The following SPRR2B variants were observed in gnomAD, a reference collection of about 807,000 sequenced individuals.
SPRR2B encodes the protein small proline-rich protein 2B.
A neutral mutation model predicts 1.0 loss-of-function variants in SPRR2B; 1 was observed. The ratio of observed to expected loss-of-function variants is 1.01; its 90% confidence interval spans 0.36 to 4.77. SPRR2B has a LOEUF of 4.77. Among genes scored for constraint, SPRR2B ranks in the 30% most tolerant of loss-of-function variants. The probability of loss-of-function intolerance (pLI) is 0.16; values close to 1 mark genes in which losing one functional copy is unlikely to be tolerated. For missense variants in SPRR2B, 53 were observed against 88.7 expected, an observed-to-expected ratio of 0.60 and a Z score of 1.62; for synonymous variants, 27 against 33.4, an observed-to-expected ratio of 0.81 and a Z score of 0.66.
At chr1:153,079,900 A>G in the SPRR2B span, among the ~76,000 whole-genome samples, 15 of 152,280 alleles carry the variant, frequency 9.9e-5, no homozygotes, top group South Asian at 2.9e-3. Flanking sequence ...AATTCTGTGA[A>G]GAAAGTCGTT....
At chr1:153,072,616 T>C (rs560192275), upstream of SPRR2B, among the ~76,000 whole-genome samples, 13 of 152,290 alleles carry the variant, frequency 8.5e-5, no homozygotes, top group Non-Finnish European at 1.9e-4. Context: ...TCCTATATGT[T>C]TGCTTTCTCT....
chr1:153,077,707 C>G, the SPRR2B span, among the ~76,000 whole-genome samples: 1 of 151,768 alleles, frequency 6.6e-6, no homozygotes, highest in African/African-American at 2.4e-5. Flanking sequence ...ACCTCTGCCT[C>G]TGGGCTCAAG....
upstream of SPRR2B, among the ~76,000 whole-genome samples, chr1:153,075,236 G>A (rs920998683): frequency 4.6e-5 from 7 of 151,988 alleles, no homozygotes; most frequent in Admixed American, 2.6e-4. Context: ...CCAGCTACTC[G>A]GGAGGCTGAG....
chr1:153,085,210 T>A, the SPRR2B span, among the ~76,000 whole-genome samples: 1 of 152,042 alleles, frequency 6.6e-6, no homozygotes, highest in Non-Finnish European at 1.5e-5. Flanking sequence ...AATTTCAATA[T>A]GGATAGGAAG....
the SPRR2B span, among the ~76,000 whole-genome samples, chr1:153,080,373 C>A: frequency 6.6e-6 from 1 of 152,138 alleles, no homozygotes; most frequent in Non-Finnish European, 1.5e-5. Flanking sequence ...CACCTTACAG[C>A]TTTCTCAAGA....
chr1:153,079,059 T>C, the SPRR2B span, among the ~76,000 whole-genome samples: 4 of 152,170 alleles, frequency 2.6e-5, no homozygotes, highest in South Asian at 2.1e-4. Flanking sequence ...ACCATTCTAA[T>C]TGGTGTGAGA....
chr1:153,081,323 C>T, the SPRR2B span, among the ~76,000 whole-genome samples: 2 of 152,142 alleles, frequency 1.3e-5, no homozygotes, highest in Non-Finnish European at 2.9e-5. Flanking sequence ...ATCATGATAT[C>T]TAAGAAATTC....
At chr1:153,078,649 T>A in the SPRR2B span, among the ~76,000 whole-genome samples, 1 of 152,174 alleles carries the variant, frequency 6.6e-6, no homozygotes, top group Non-Finnish European at 1.5e-5. Context: ...TTGCTGAGAA[T>A]GATGGTTTCC....
chr1:153,078,139 TA>T, the SPRR2B span, among the ~76,000 whole-genome samples: 1 of 151,938 alleles, frequency 6.6e-6, no homozygotes, highest in Non-Finnish European at 1.5e-5. Flanking sequence ...AAGAATGAAT[TA>T]AAAAAAATAG....
chr1:153,077,346 A>C, the SPRR2B span, among the ~76,000 whole-genome samples: 1 of 152,198 alleles, frequency 6.6e-6, no homozygotes, highest in Admixed American at 6.5e-5. Context: ...GAGAAATGAT[A>C]AAGAGAGACT....
At chr1:153,083,882 G>T in the SPRR2B span, among the ~76,000 whole-genome samples, 3 of 152,214 alleles carry the variant, frequency 2.0e-5, no homozygotes, top group African/African-American at 7.2e-5. Context: ...GCTAGGGATG[G>T]CCATCTCTCT....
the SPRR2B span, among the ~76,000 whole-genome samples, chr1:153,083,231 A>G: frequency 6.6e-6 from 1 of 152,194 alleles, no homozygotes; most frequent in Admixed American, 6.5e-5. Flanking sequence ...AAAATGTTGA[A>G]CCAGAAGGAT....
At chr1:153,077,820 G>A in the SPRR2B span, among the ~76,000 whole-genome samples, 10 of 152,106 alleles carry the variant, frequency 6.6e-5, no homozygotes, top group Non-Finnish European at 1.5e-4. Flanking sequence ...TCGCCATGTT[G>A]GCGAGGCTGG....
chr1:153,087,428 A>G, the SPRR2B span, among the ~76,000 whole-genome samples: 31 of 152,328 alleles, frequency 2.0e-4, no homozygotes, highest in African/African-American at 7.2e-4. Flanking sequence ...ACATTGAGAC[A>G]CAAAAAACCA....
the SPRR2B span, among the ~76,000 whole-genome samples, chr1:153,076,904 A>C: frequency 6.6e-6 from 1 of 152,252 alleles, no homozygotes; most frequent in Non-Finnish European, 1.5e-5. Flanking sequence ...TCACAAAGAC[A>C]TGGTTGAATT....
At chr1:153,074,905 C>A (rs188492378), upstream of SPRR2B, among the ~76,000 whole-genome samples, 46 of 152,144 alleles carry the variant, frequency 3.0e-4, no homozygotes, top group Non-Finnish European at 5.6e-4. Context: ...ATGGAAGCAG[C>A]AGTTGTTTTA....
chr1:153,085,959 A>T, the SPRR2B span, among the ~76,000 whole-genome samples: 1 of 152,202 alleles, frequency 6.6e-6, no homozygotes, highest in African/African-American at 2.4e-5. Flanking sequence ...GAGAAAAAAG[A>T]TCCTTTTCGG....
chr1:153,078,512 T>C, the SPRR2B span, among the ~76,000 whole-genome samples: 83,910 of 148,956 alleles, frequency 0.56, 24,383 homozygotes, highest in African/African-American at 0.71. Context: ...ATCCCTCCCC[T>C]CTACCCCCAC....
chr1:153,085,661 C>T, the SPRR2B span, among the ~76,000 whole-genome samples: 7 of 152,118 alleles, frequency 4.6e-5, no homozygotes, highest in Non-Finnish European at 8.8e-5. Flanking sequence ...GGTAGACATT[C>T]AAATTCAGAA....
Sources: gnomAD v4.1 joint callset for allele counts (sites outside exome capture counted in the v4.1 genomes callset) on GRCh38, gnomAD v4.1.1 for gene constraint, MANE v1.5 for transcripts, NCBI Gene and HGNC (gene_info 2026-07-23, HGNC 2026-07-21) for gene names.